Variants in SV2B observed in about 807,000 individuals in gnomAD.
The protein encoded by SV2B is solute carrier family 22 member B2.
A neutral mutation model predicts 73.9 loss-of-function variants in SV2B; 41 were observed. The ratio of observed to expected loss-of-function variants is 0.56; its 90% CI spans 0.43 to 0.72. The LOEUF (loss-of-function observed/expected upper bound fraction) is 0.72. Among genes scored for constraint, SV2B ranks in the 30% least tolerant of loss-of-function variants. SV2B has a pLI of 0.00. For synonymous variants in SV2B, 314 were observed against 314.2 expected, an observed-to-expected ratio of 1.00 and a Z score of 0.01; for missense variants, 764 against 857.8, an observed-to-expected ratio of 0.89 and a Z score of 1.37.
In SV2B at chr15:91,148,905, T is replaced by C. The variant is rs552377527; in HGVS notation, c.-392+48542T>C. Among the ~76,000 whole-genome samples, 29 of 152,312 alleles carry C rather than the reference T, an allele frequency of 1.9e-4. No individual in the cohort carries two copies. In the Middle Eastern group the frequency reaches 0.01, roughly 54 times the overall value. On this transcript the variant is annotated intron_variant, in intron 1 of 12. Transcript: ENST00000394232. The stretch of plus-strand genomic sequence containing the variant: ...TCCTACCCACATTGGGAGGGAGCCT[T>C]CTGCTTTACTCAGTCCACTAATTCA...
At chr15:91,164,855 C>T (rs760432103) in intron 1 of SV2B, among the ~76,000 whole-genome samples, 7 of 152,126 alleles carry the variant, frequency 4.6e-5, no homozygotes, top group South Asian at 2.1e-4. Flanking sequence ...TTCAGGGGCA[C>T]GCTGTTAAAA....
intron 1 of SV2B, among the ~76,000 whole-genome samples, chr15:91,156,834 A>G (rs1356111748): frequency 1.3e-5 from 2 of 152,172 alleles, no homozygotes; most frequent in African/African-American, 4.8e-5. Context: ...TCAGGCATAA[A>G]CTTCTCTGGC....
At chr15:91,166,902 C>T (rs1476175664) in intron 1 of SV2B, among the ~76,000 whole-genome samples, 3 of 151,738 alleles carry the variant, frequency 2.0e-5, no homozygotes, top group Non-Finnish European at 4.4e-5. Context: ...CAAGCTCCGC[C>T]TTCTGGGTTC....
rs900496994 is a variant in SV2B at position 91,288,169 on chromosome 15, C to T, written c.1709-1352C>T. Among the ~76,000 whole-genome samples, 43 of 152,108 alleles carry T rather than the reference C, an allele frequency of 2.8e-4. No homozygotes were observed. Among genetic ancestry groups the T allele is most frequent in the African/African-American group, 4.3e-4 (18 of 41,408 alleles). On this transcript the variant is annotated intron_variant, in intron 11 of 12. Coordinates refer to ENST00000394232, the MANE Select transcript of SV2B (RefSeq NM_001323032.3). The surrounding 1 kb of genome is among the most constrained non-coding windows in gnomAD (Gnocchi z 5.8). ...GATTCGGGTAAATGGGGAATAGCACCGCCTTTCTTCAGGTTTCCCTTCAAT... is the reference window on the plus strand; with the variant it reads ...GATTCGGGTAAATGGGGAATAGCACTGCCTTTCTTCAGGTTTCCCTTCAAT...
chr15:91,250,727 ATACT>A lies in SV2B; in HGVS notation c.452-1089_452-1086del, dbSNP rs544234605. Among the ~76,000 whole-genome samples the A allele has an allele frequency of 6.4e-4, 97 of 152,358 alleles. 2 individuals are homozygous for A. Among genetic ancestry groups the A allele is most frequent in the African/African-American group, 2.3e-3 (95 of 41,604 alleles). ...ATCTCATTTACAATAACATTAAAAC[ATACT>A]TAGGAATGAATTTAATCAAAGAAAT... On this transcript the variant is annotated intron_variant, in intron 2 of 12. Coordinates refer to ENST00000394232, the MANE Select transcript of SV2B (RefSeq NM_001323032.3).
rs531454838 is a variant in SV2B, at chr15:91,236,514, G to A, written c.451+9800G>A. Among the ~76,000 whole-genome samples, 1 of 152,168 alleles carries A rather than the reference G, an allele frequency of 6.6e-6. No homozygotes were observed. The highest frequency in any genetic ancestry group is 1.5e-5 in the Non-Finnish European group (1 of 68,028). On this transcript the variant is annotated intron_variant, in intron 2 of 12. Transcript: ENST00000394232. The surrounding 1 kb of genome is among the most constrained non-coding windows in gnomAD (Gnocchi z 4.1). Reference sequence around the variant, plus strand: ...ATGGAGGTGGAAGTTGCAGAGTTGGGAGTGGGCTGGAAATATATAAAACTC... The same window carrying A: ...ATGGAGGTGGAAGTTGCAGAGTTGGAAGTGGGCTGGAAATATATAAAACTC...
At position 91,261,131 on chromosome 15, in the gene SV2B, CG is replaced by C. The variant is rs1191743418; in HGVS notation, c.1008+725del. 1.3e-5 allele frequency among the ~76,000 whole-genome samples: 2 copies of C among 152,062 alleles called. No individual in the cohort carries two copies. Among genetic ancestry groups the C allele is most frequent in the Non-Finnish European group, 2.9e-5 (2 of 67,998 alleles). On this transcript the variant is annotated intron_variant, in intron 6 of 12. Coordinates refer to ENST00000394232, the MANE Select transcript of SV2B (RefSeq NM_001323032.3). The surrounding 1 kb of genome is among the most constrained non-coding windows in gnomAD (Gnocchi z 4.7). ...CAAAAAAATCAGCTGGGCATGGTGG[CG>C]GGTACCTAAAATCCCAGCTACTCAG...
chr15:91,244,220 A>G (rs1310090426), intron 2 of SV2B, among the ~76,000 whole-genome samples: 2 of 152,240 alleles, frequency 1.3e-5, no homozygotes, highest in African/African-American at 2.4e-5. Flanking sequence ...TGACAAATTG[A>G]AATTATTATA....
intron 1 of SV2B, among the ~76,000 whole-genome samples, chr15:91,158,698 TCTCTCCTCTC>T (rs796461459): frequency 3.7e-5 from 1 of 27,018 alleles, no homozygotes; most frequent in Non-Finnish European, 7.3e-5. Flanking sequence ...TCTCTTCTCT[TCTCTCCTCTC>T]CTCTCCTCTC....
intron 9 of SV2B, among the ~76,000 whole-genome samples, chr15:91,272,995 G>A (rs112813743): frequency 0.013 from 1,910 of 152,034 alleles, 51 homozygotes; most frequent in African/African-American, 0.044. Flanking sequence ...ACCATGCCCG[G>A]CTAGTATTTG....
chr15:91,165,405 C>T (rs1045865733), intron 1 of SV2B, among the ~76,000 whole-genome samples: 6 of 152,092 alleles, frequency 3.9e-5, no homozygotes, highest in African/African-American at 1.4e-4. Flanking sequence ...TGTCATTACT[C>T]CCTAAACAAT....
Position 91,289,688 on chromosome 15 carries a change from C to A in SV2B, c.1868+8C>A. Reference sequence around the variant, plus strand: ...GTATCCCACCAACCAGAGGTCAGTTCTTCCCCAGGCTTTCCTCAGGGACTT... The same window carrying A: ...GTATCCCACCAACCAGAGGTCAGTTATTCCCCAGGCTTTCCTCAGGGACTT... On this transcript the variant is annotated splice_region_variant and intron_variant, in intron 12 of 12. Transcript: ENST00000394232. The surrounding 1 kb of genome is among the most constrained non-coding windows in gnomAD (Gnocchi z 4.9). 6.2e-7 allele frequency: 1 copy of A among 1,609,196 alleles called. No individual in the cohort carries two copies.
chr15:91,283,625 T>G lies in SV2B; in HGVS notation c.1508-396T>G, dbSNP rs1486259767. Among the ~76,000 whole-genome samples the G allele has an allele frequency of 1.3e-5, 2 of 152,048 alleles. No individual in the cohort carries two copies. The highest frequency in any genetic ancestry group is 2.4e-5 in the African/African-American group (1 of 41,398). On this transcript the variant is annotated intron_variant, in intron 10 of 12. Coordinates refer to ENST00000394232, the MANE Select transcript of SV2B (RefSeq NM_001323032.3). This position sits in a 1 kb window ranked among gnomAD's most constrained non-coding sequence, Gnocchi z 4.3. ...TAATTTAAAAGAAAATTTTATTTAT[T>G]TATTTATTTGTAGAGATAAGGTCTC...
intron 1 of SV2B, among the ~76,000 whole-genome samples, chr15:91,211,704 A>G (rs528909419): frequency 1.3e-5 from 2 of 150,198 alleles, no homozygotes; most frequent in East Asian, 2.0e-4. Flanking sequence ...GGGTTTCACC[A>G]TATTGGCTAG....
rs544735243 is a variant in SV2B, at chr15:91,293,905, T to G, written c.*1353T>G. The G allele has an allele frequency of 6.6e-6, 1 of 151,966 alleles. No individual in the cohort carries two copies. The highest frequency in any genetic ancestry group is 1.9e-4 in the East Asian group (1 of 5,168). The allele number at this position is 151,966 out of a possible 1,614,324, so 9.4% of individuals were successfully genotyped here. A position where few individuals can be genotyped will look rare whatever the true frequency, so the allele number is the denominator to read the frequency against. On this transcript the variant is annotated 3_prime_UTR_variant, in exon 13 of 13. Coordinates refer to ENST00000394232, the MANE Select transcript of SV2B (RefSeq NM_001323032.3). ...GTCCAGCTTTGAACATAAACAGGGG[T>G]GTGGGTTGGGGGAGGAGCTTAGGAC...
chr15:91,202,297 A>C (rs1365728262), intron 1 of SV2B, among the ~76,000 whole-genome samples: 1 of 152,228 alleles, frequency 6.6e-6, no homozygotes, highest in East Asian at 1.9e-4. Context: ...TTCTTTGTCC[A>C]CTACTGTTTC....
rs754162948 is a variant in SV2B at position 91,118,253 on chromosome 15, A to T, written c.-392+17890A>T. On this transcript the variant is annotated intron_variant, in intron 1 of 12. Transcript: ENST00000394232. This position sits in a 1 kb window ranked among gnomAD's most constrained non-coding sequence, Gnocchi z 4.7. ...TTTGCTGATCCATGGTTCTGGTGGA[A>T]TGGAGTCTACTATTCAGGAGAGTGC... Among the ~76,000 whole-genome samples, 3 of 152,116 alleles carry T rather than the reference A, an allele frequency of 2.0e-5. No homozygotes were observed. Among genetic ancestry groups the T allele is most frequent in the Non-Finnish European group, 4.4e-5 (3 of 68,008 alleles).
At chr15:91,143,034 G>C (rs1039136764) in intron 1 of SV2B, among the ~76,000 whole-genome samples, 3 of 152,176 alleles carry the variant, frequency 2.0e-5, no homozygotes, top group African/African-American at 7.2e-5. Flanking sequence ...TTACTCACCT[G>C]TGACAGCACA....
chr15:91,198,164 T>A (rs141717136), intron 1 of SV2B, among the ~76,000 whole-genome samples: 347 of 152,302 alleles, frequency 2.3e-3, no homozygotes, highest in African/African-American at 8.0e-3. Flanking sequence ...GTGCTTCAAT[T>A]TTTATCTGTA....
Sources: allele counts gnomAD v4.1 joint callset (sites outside exome capture counted in the v4.1 genomes callset), GRCh38; gene constraint gnomAD v4.1.1; non-coding constraint Gnocchi (gnomAD v3.1); transcripts MANE v1.5; gene names NCBI Gene and HGNC (gene_info 2026-07-23, HGNC 2026-07-21).